Variants in FARP1 observed in about 807,000 individuals in gnomAD.
FARP1 encodes FERM, ARH/RhoGEF and pleckstrin domain protein 1, also known as FERM, ARHGEF and pleckstrin domain-containing protein 1.
A neutral mutation model predicts 128.8 loss-of-function variants in FARP1; 52 were observed. That is an observed-to-expected ratio of 0.40 (90% CI 0.32 to 0.51). The LOEUF is 0.51. Ranked by LOEUF, FARP1 falls within the 20% of genes least tolerant of loss-of-function variation. FARP1 has a pLI of 0.45. For synonymous variants in FARP1, 580 were observed against 551.8 expected (o/e 1.05, Z -0.72); for missense variants, 1,333 against 1,367.9 (o/e 0.97, Z 0.40).
At position 98,292,289 on chromosome 13, in the gene FARP1, G is replaced by T. The variant is rs76707079; in HGVS notation, c.172-51473G>T. Among the ~76,000 whole-genome samples the T allele has an allele frequency of 1.8e-3, 267 of 152,312 alleles. 2 individuals carry two copies. The highest frequency in any genetic ancestry group is 5.4e-3 in the African/African-American group (224 of 41,548). On this transcript the variant is annotated intron_variant, in intron 2 of 26. Coordinates refer to ENST00000319562, the MANE Select transcript of FARP1 (RefSeq NM_005766.4). ...AACCAGAAATCTGAAGTGTTAATTTGCTTCCCGTTTGTCCAGTGAACTTGA... is the reference window on the plus strand; with the variant it reads ...AACCAGAAATCTGAAGTGTTAATTTTCTTCCCGTTTGTCCAGTGAACTTGA...
chr13:98,276,320 AT>A (rs1884651924), intron 2 of FARP1, among the ~76,000 whole-genome samples: 1 of 152,244 alleles, frequency 6.6e-6, no homozygotes, highest in African/African-American at 2.4e-5. Context: ...GGGGTTTAGG[AT>A]TTATATATAA....
At chr13:98,429,142 C>T (rs1262280014) in intron 17 of FARP1, among the ~76,000 whole-genome samples, 1 of 152,166 alleles carries the variant, frequency 6.6e-6, no homozygotes, top group Non-Finnish European at 1.5e-5. Context: ...GAAATCAACC[C>T]AGCAGGGAGG....
intron 13 of FARP1, 196 bp downstream of exon 13, chr13:98,395,672 G>A (rs1308485166): frequency 3.3e-6 from 2 of 613,766 alleles, no homozygotes; most frequent in African/African-American, 1.8e-5. Context: ...AGGGAGGAGG[G>A]GCGAAGAGAG....
At chr13:98,243,597 C>T (rs1882900247) in intron 2 of FARP1, among the ~76,000 whole-genome samples, 1 of 148,718 alleles carries the variant, frequency 6.7e-6, no homozygotes, top group Non-Finnish European at 1.5e-5. Flanking sequence ...ACTTGGGAGG[C>T]TGAGACAGAG....
At chr13:98,384,514 T>C in intron 6 of FARP1, 2 of 574,708 alleles carry the variant, frequency 3.5e-6, no homozygotes, top group Admixed American at 3.0e-5. Context: ...TTCTGACTGA[T>C]AGAGATGAGG....
chr13:98,342,812 G>C (rs944857493), intron 2 of FARP1, among the ~76,000 whole-genome samples: 10 of 152,006 alleles, frequency 6.6e-5, no homozygotes, highest in African/African-American at 2.4e-4. Context: ...ATCACCTGAG[G>C]TGGGGAGTTT....
chr13:98,390,571 T>C (rs1890268127), intron 10 of FARP1: 1 of 490,596 alleles, frequency 2.0e-6, no homozygotes, highest in African/African-American at 2.0e-5. Flanking sequence ...CCAAACACAG[T>C]TATCAAGTGG....
At chr13:98,235,349 T>C (rs1270988468) in intron 2 of FARP1, among the ~76,000 whole-genome samples, 1 of 152,142 alleles carries the variant, frequency 6.6e-6, no homozygotes, top group Non-Finnish European at 1.5e-5. Flanking sequence ...AAGCCACAAG[T>C]GACTTGAAGG....
At chr13:98,244,204 T>A (rs1164157642) in intron 2 of FARP1, among the ~76,000 whole-genome samples, 1 of 152,196 alleles carries the variant, frequency 6.6e-6, no homozygotes, top group South Asian at 2.1e-4. Flanking sequence ...CATCCCAGAT[T>A]CCTAGCTGAT....
chr13:98,283,475 G>A (rs1885027987), intron 2 of FARP1, among the ~76,000 whole-genome samples: 1 of 152,192 alleles, frequency 6.6e-6, no homozygotes, highest in African/African-American at 2.4e-5. Flanking sequence ...AGAGAGGCAG[G>A]ATAATAAACA....
chr13:98,201,889 T>C (rs1169227617), intron 1 of FARP1, among the ~76,000 whole-genome samples: 1 of 152,346 alleles, frequency 6.6e-6, no homozygotes, highest in African/African-American at 2.4e-5. Context: ...CGTAGACAGT[T>C]AATAGCCTGG....
intron 1 of FARP1, among the ~76,000 whole-genome samples, chr13:98,186,569 C>A (rs565363532): frequency 6.6e-6 from 1 of 152,194 alleles, no homozygotes; most frequent in Non-Finnish European, 1.5e-5. Flanking sequence ...ATAATCTCTT[C>A]GTGCTTCATG....
At chr13:98,172,585 C>T (rs2139168798) in intron 1 of FARP1, among the ~76,000 whole-genome samples, 1 of 152,294 alleles carries the variant, frequency 6.6e-6, no homozygotes, top group South Asian at 2.1e-4. Flanking sequence ...TAGCCCTTAA[C>T]CTGCCCGCTT....
In FARP1 at chr13:98,245,313, TG is replaced by T. The variant is rs1429403133; in HGVS notation, c.171+31901del. On this transcript the variant is annotated intron_variant, in intron 2 of 26. Transcript: ENST00000319562. The stretch of plus-strand genomic sequence containing the variant: ...AGTCAGATCTACTTTAATACATGTT[TG>T]TCTTACCAGCTTATTGATAAGCACT... The T allele has an allele frequency of 1.3e-5, 13 of 985,538 alleles. No homozygotes were observed. In the East Asian group the frequency reaches 1.5e-3, roughly 112 times the overall value. The allele number at this position is 985,538 out of a possible 1,614,324, so 61.0% of individuals were successfully genotyped here.
chr13:98,182,337 A>G (rs1594241481), intron 1 of FARP1, among the ~76,000 whole-genome samples: 3 of 151,730 alleles, frequency 2.0e-5, no homozygotes, highest in South Asian at 2.1e-4. Flanking sequence ...AATCGATTTT[A>G]TTTTTTGAGA....
chr13:98,245,850 C>A (rs1374343427), intron 2 of FARP1, among the ~76,000 whole-genome samples: 1 of 149,036 alleles, frequency 6.7e-6, no homozygotes, highest in African/African-American at 2.5e-5. Context: ...CTCACAGCAA[C>A]CTCCGCCTCC....
At position 98,439,988 on chromosome 13, in the gene FARP1, G is replaced by T. The variant is rs567233846; in HGVS notation, c.2461G>T (p.Val821Leu). The change falls in exon 22 of 27, where the codon GTG (valine) becomes TTG (leucine). Residue 821 changes from valine (V) to leucine (L), a missense_variant. Transcript: ENST00000319562. ...TGAGGAGAGCGAAGACGAGTGGGGG[G>T]TGCCCCACTGCCTGACCCTCCGGGG... ...TIEESEDEWGVPHCLTLRGQR... is the reference protein window; with the variant it reads ...TIEESEDEWGLPHCLTLRGQR... The T allele has an allele frequency of 6.3e-7, 1 of 1,591,976 alleles. No individual in the cohort carries two copies. Among genetic ancestry groups the T allele is most frequent in the Non-Finnish European group, 8.6e-7 (1 of 1,165,296 alleles).
chr13:98,348,386 G>A (rs181325244), intron 3 of FARP1, among the ~76,000 whole-genome samples: 24 of 152,338 alleles, frequency 1.6e-4, no homozygotes, highest in Non-Finnish European at 2.6e-4. Flanking sequence ...TGCTTATTAC[G>A]GCTGCTAATT....
intron 16 of FARP1, among the ~76,000 whole-genome samples, chr13:98,416,750 G>C (rs74576016): frequency 2.8e-3 from 432 of 152,322 alleles, no homozygotes; most frequent in Non-Finnish European, 4.3e-3. Flanking sequence ...AAGGTGGCCA[G>C]CTGGGTTCCC....
Sources: allele counts gnomAD v4.1 joint callset (sites outside exome capture counted in the v4.1 genomes callset), GRCh38; gene constraint gnomAD v4.1.1; transcripts MANE v1.5; gene names NCBI Gene and HGNC (gene_info 2026-07-23, HGNC 2026-07-21).